Variants in DPP10 observed in about 807,000 individuals in gnomAD.
The protein encoded by DPP10 is dipeptidyl peptidase like 10.
In DPP10, 33 loss-of-function variants were observed where a neutral mutation model predicts 120.9. The ratio of observed to expected loss-of-function variants is 0.27; its 90% CI spans 0.21 to 0.37. The LOEUF (loss-of-function observed/expected upper bound fraction) is 0.37, where lower values mean the gene tolerates loss of function less well. DPP10 is among the 10% of genes least tolerant of loss of function. DPP10 has a pLI of 1.00. For missense variants in DPP10, 816 were observed against 942.8 expected, an observed-to-expected ratio of 0.87 and a Z score of 1.76; for synonymous variants, 337 against 326.1, an observed-to-expected ratio of 1.03 and a Z score of -0.36.
At chr2:115,528,894 A>G (rs2078292588) in intron 5 of DPP10, among the ~76,000 whole-genome samples, 1 of 152,006 alleles carries the variant, frequency 6.6e-6, no homozygotes, top group Non-Finnish European at 1.5e-5. Context: ...TTTATGGGAC[A>G]ACAAGAGGGA....
intron 1 of DPP10, among the ~76,000 whole-genome samples, chr2:114,636,773 G>T (rs1304099119): frequency 2.0e-5 from 3 of 151,794 alleles, no homozygotes; most frequent in Non-Finnish European, 4.4e-5. Context: ...AACTTTTCTG[G>T]CCCCAAATCC....
At chr2:115,542,694 T>TA (rs979767132) in intron 5 of DPP10, among the ~76,000 whole-genome samples, 84 of 142,264 alleles carry the variant, frequency 5.9e-4, no homozygotes, top group East Asian at 3.3e-3. Flanking sequence ...GAGATGACAT[T>TA]AAAAAAAAAA....
rs1010416495 is a variant in DPP10, at chr2:114,442,647, A to G, written c.-132A>G. On this transcript the variant is annotated 5_prime_UTR_variant, in exon 1 of 26. Transcript: ENST00000410059. Reference sequence around the variant, plus strand: ...GTGAGGAAGCAGCAGAAACAGAAGCAGCAGAAGCAACAGCAGTAGCAGCGG... The same window carrying G: ...GTGAGGAAGCAGCAGAAACAGAAGCGGCAGAAGCAACAGCAGTAGCAGCGG... The G allele has an allele frequency of 2.1e-6, 2 of 969,710 alleles. No individual in the cohort carries two copies. Among genetic ancestry groups the G allele is most frequent in the Admixed American group, 4.3e-5 (2 of 45,998 alleles). 60.1% of individuals were successfully genotyped at this position (969,710 alleles called of 1,614,324 possible). A position where few individuals can be genotyped will look rare whatever the true frequency, so the allele number is the denominator to read the frequency against.
intron 8 of DPP10, among the ~76,000 whole-genome samples, chr2:115,732,879 C>T (rs1302445806): frequency 3.3e-5 from 5 of 152,080 alleles, no homozygotes; most frequent in Non-Finnish European, 2.9e-5. Flanking sequence ...AAGAGCAATA[C>T]GATGAGAAAT....
In DPP10 at chr2:114,991,499, A is replaced by G. The variant is rs138369293; in HGVS notation, c.61-317740A>G. Among the ~76,000 whole-genome samples the G allele has an allele frequency of 4.4e-3, 664 of 152,332 alleles. 6 individuals carry two copies. Among genetic ancestry groups the G allele is most frequent in the African/African-American group, 0.015 (636 of 41,580 alleles). The stretch of plus-strand genomic sequence containing the variant: ...TAATCAGATATGGATAAAGACTAGA[A>G]ATTTCTCCCACAACATGATACAATA... On this transcript the variant is annotated intron_variant, in intron 1 of 25. Coordinates refer to ENST00000410059, the MANE Select transcript of DPP10 (RefSeq NM_020868.6).
chr2:114,626,420 C>G (rs1694515643), intron 1 of DPP10, among the ~76,000 whole-genome samples: 1 of 151,940 alleles, frequency 6.6e-6, no homozygotes, highest in African/African-American at 2.4e-5. Flanking sequence ...TTTTTCAAAT[C>G]TAAATTACAT....
chr2:114,870,530 AAAGTAGT>A (rs1690606765), intron 1 of DPP10, among the ~76,000 whole-genome samples: 1 of 141,460 alleles, frequency 7.1e-6, no homozygotes, highest in South Asian at 2.2e-4. Context: ...GAAGCTACAA[AAAGTAGT>A]CAGGTAGAAA....
intron 1 of DPP10, among the ~76,000 whole-genome samples, chr2:114,574,985 C>T (rs1004778498): frequency 4.6e-5 from 7 of 152,136 alleles, no homozygotes; most frequent in Admixed American, 1.3e-4. Flanking sequence ...GAATAGTTCT[C>T]ACTCCTCAAA....
chr2:115,468,831 A>G, intron 3 of DPP10: 1 of 437,432 alleles, frequency 2.3e-6, no homozygotes, highest in Non-Finnish European at 4.5e-6. Context: ...CTTATTCAGC[A>G]GGGCTCTGCT....
At chr2:115,028,713 T>A (rs1703639939) in intron 1 of DPP10, among the ~76,000 whole-genome samples, 1 of 152,006 alleles carries the variant, frequency 6.6e-6, no homozygotes, top group Non-Finnish European at 1.5e-5. Context: ...GACTTACTAA[T>A]GTTTACTTTG....
intron 1 of DPP10, chr2:114,463,399 A>G (rs1310485260): frequency 6.6e-6 from 1 of 152,172 alleles, no homozygotes; most frequent in Non-Finnish European, 1.5e-5. Flanking sequence ...ATCCAGGTAT[A>G]CATACATGAA....
At chr2:115,117,414 T>G (rs1206374550) in intron 1 of DPP10, among the ~76,000 whole-genome samples, 2 of 152,216 alleles carry the variant, frequency 1.3e-5, no homozygotes, top group Admixed American at 1.3e-4. Context: ...TAACATAAAC[T>G]GTATAAAAAT....
At chr2:115,346,767 T>A (rs1460630160) in intron 3 of DPP10, among the ~76,000 whole-genome samples, 1 of 152,194 alleles carries the variant, frequency 6.6e-6, no homozygotes, top group Non-Finnish European at 1.5e-5. Flanking sequence ...TGTACATATT[T>A]CACAGGACTG....
In DPP10 at chr2:115,774,209, T is replaced by TACACACAC. The variant is rs3069387; in HGVS notation, c.1222-2974_1222-2967dup. Among the ~76,000 whole-genome samples the TACACACAC allele has an allele frequency of 7.7e-3, 1,138 of 147,630 alleles. 17 individuals carry two copies. Among genetic ancestry groups the TACACACAC allele is most frequent in the African/African-American group, 0.025 (1,009 of 40,014 alleles). ...ATCTCATTTGTCTTTAAAACACACA[T>TACACACAC]ACACACACACACACACACACACACA... On this transcript the variant is annotated intron_variant, in intron 13 of 25. Transcript: ENST00000410059.
intron 5 of DPP10, among the ~76,000 whole-genome samples, chr2:115,615,011 G>T (rs1285958374): frequency 6.6e-6 from 1 of 152,070 alleles, no homozygotes; most frequent in Admixed American, 6.6e-5. Flanking sequence ...CACATGCAGA[G>T]GCAGAGGAAA....
Position 115,539,845 on chromosome 2 carries a change from A to G in DPP10, c.441+13873A>G, listed in dbSNP as rs545488596. 6.6e-5 allele frequency among the ~76,000 whole-genome samples: 10 copies of G among 151,886 alleles called. No homozygotes were observed. In the East Asian group the frequency reaches 1.9e-3, roughly 29 times the overall value. ...AAAAAAAAACCACAACCAGATATACACACAGAGAAGAAATTCAGAAGTAAT... is the reference window on the plus strand; with the variant it reads ...AAAAAAAAACCACAACCAGATATACGCACAGAGAAGAAATTCAGAAGTAAT... On this transcript the variant is annotated intron_variant, in intron 5 of 25. Coordinates refer to ENST00000410059, the MANE Select transcript of DPP10 (RefSeq NM_020868.6).
intron 5 of DPP10, among the ~76,000 whole-genome samples, chr2:115,610,111 G>A (rs1327615141): frequency 6.6e-6 from 1 of 152,070 alleles, no homozygotes; most frequent in Non-Finnish European, 1.5e-5. Context: ...TAGGATGCCA[G>A]CCAAGCCTGC....
intron 2 of DPP10, among the ~76,000 whole-genome samples, chr2:115,331,349 A>G (rs1004956111): frequency 2.0e-5 from 3 of 152,210 alleles, no homozygotes; most frequent in Non-Finnish European, 4.4e-5. Context: ...TTCTAAATAT[A>G]CAATGATGTC....
At chr2:115,454,606 G>A (rs188935612) in intron 3 of DPP10, among the ~76,000 whole-genome samples, 197 of 151,730 alleles carry the variant, frequency 1.3e-3, no homozygotes, top group Non-Finnish European at 2.2e-3. Context: ...AGTTCACAGC[G>A]GATATAATAC....
Sources: gnomAD v4.1 joint callset for allele counts (sites outside exome capture counted in the v4.1 genomes callset) on GRCh38, gnomAD v4.1.1 for gene constraint, MANE v1.5 for transcripts, NCBI Gene and HGNC (gene_info 2026-07-23, HGNC 2026-07-21) for gene names.